The following RRM2 variants were observed in gnomAD, a reference collection of about 807,000 sequenced individuals.
The protein encoded by RRM2 is ribonucleotide reductase regulatory subunit M2.
Under a neutral mutation model 45.9 loss-of-function variants are expected in RRM2, and 6 were observed. The ratio of observed to expected loss-of-function variants is 0.13; its 90% CI spans 0.07 to 0.26. The LOEUF is 0.26. Among genes scored for constraint, RRM2 ranks in the 10% least tolerant of loss-of-function variants. The probability of loss-of-function intolerance (pLI) is 1.00; values close to 1 mark genes in which losing one functional copy is unlikely to be tolerated. For synonymous variants in RRM2, 177 were observed against 173.0 expected, an observed-to-expected ratio of 1.02 and a Z score of -0.18; for missense variants, 343 against 489.5, an observed-to-expected ratio of 0.70 and a Z score of 2.82.
intron 3 of RRM2, among the ~76,000 whole-genome samples, chr2:10,175,025 C>A (rs528050920): frequency 1.3e-5 from 2 of 152,192 alleles, no homozygotes; most frequent in African/African-American, 4.8e-5. Context: ...ATGCTGCTGT[C>A]GTCCTTCTAT....
intron 3 of RRM2, among the ~76,000 whole-genome samples, chr2:10,207,725 C>T (rs966206081): frequency 3.3e-5 from 5 of 152,196 alleles, no homozygotes; most frequent in African/African-American, 1.2e-4. Context: ...ACCTCCCTGA[C>T]TATATCAGCT....
downstream of RRM2, among the ~76,000 whole-genome samples, chr2:10,134,825 A>G (rs2125310017): frequency 1.3e-5 from 2 of 152,322 alleles, no homozygotes; most frequent in South Asian, 4.1e-4. Context: ...GATGAAAGAA[A>G]GCATGGAGAG....
At position 10,123,891 on chromosome 2, in the gene RRM2, C is replaced by T. The variant is rs752351318; in HGVS notation, c.435+39C>T. ...ACATCTTTCATTCATTTGACGTTGA[C>T]GATCTGAGGTCGAACTAGTTCGCTT... On this transcript the variant is annotated intron_variant, in intron 4 of 9. Coordinates refer to ENST00000304567, the MANE Select transcript of RRM2 (RefSeq NM_001034.4). 5 of 1,155,008 alleles carry T rather than the reference C, an allele frequency of 4.3e-6. No individual in the cohort carries two copies. The South Asian group carries it at 4.9e-5, about 11-fold the overall frequency. The allele number at this position is 1,155,008 out of a possible 1,614,324, so 71.5% of individuals were successfully genotyped here.
chr2:10,170,618 TG>T (rs1215872937), intron 3 of RRM2, among the ~76,000 whole-genome samples: 1 of 152,070 alleles, frequency 6.6e-6, no homozygotes, highest in Non-Finnish European at 1.5e-5. Context: ...GGGTCGGCAG[TG>T]GGGACAGACA....
At chr2:10,142,162 AGT>A in intron 2 of RRM2, 1 of 1,501,100 alleles carries the variant, frequency 6.7e-7, no homozygotes, top group Non-Finnish European at 9.1e-7. Flanking sequence ...GTCAGAGCAG[AGT>A]GAGGGGTGGG....
At chr2:10,154,778 C>A (rs1186559139) in intron 3 of RRM2, among the ~76,000 whole-genome samples, 5 of 149,758 alleles carry the variant, frequency 3.3e-5, no homozygotes, top group Non-Finnish European at 7.4e-5. Flanking sequence ...TCACTGCAAC[C>A]TCTGCCTCCC....
At chr2:10,198,884 G>A (rs2125331854) in intron 3 of RRM2, 1 of 152,218 alleles carries the variant, frequency 6.6e-6, no homozygotes, top group East Asian at 1.9e-4. Flanking sequence ...TTTATCTCAG[G>A]GTTGGAATGT....
upstream of RRM2, among the ~76,000 whole-genome samples, chr2:10,137,449 A>G (rs1345823138): frequency 2.0e-5 from 3 of 152,016 alleles, no homozygotes; most frequent in Non-Finnish European, 2.9e-5. Flanking sequence ...GTAGTGGGGG[A>G]GGGTGACCTC....
intron 3 of RRM2, among the ~76,000 whole-genome samples, chr2:10,200,122 C>T (rs372931379): frequency 2.0e-5 from 3 of 152,106 alleles, no homozygotes; most frequent in African/African-American, 4.8e-5. Context: ...AGTGAACCAC[C>T]GCACCCAGCT....
At chr2:10,154,788 C>T (rs549210426) in intron 3 of RRM2, among the ~76,000 whole-genome samples, 4 of 151,124 alleles carry the variant, frequency 2.6e-5, no homozygotes, top group Admixed American at 6.6e-5. Flanking sequence ...CTCTGCCTCC[C>T]GGGTTCAAGT....
At chr2:10,197,353 C>T (rs1052463060) in intron 3 of RRM2, among the ~76,000 whole-genome samples, 9 of 152,180 alleles carry the variant, frequency 5.9e-5, no homozygotes, top group African/African-American at 2.2e-4. Flanking sequence ...CCTGGCTCTT[C>T]GTTTCGTCAT....
intron 3 of RRM2, among the ~76,000 whole-genome samples, chr2:10,165,754 A>G (rs1012318007): frequency 6.6e-6 from 1 of 152,248 alleles, no homozygotes; most frequent in Non-Finnish European, 1.5e-5. Context: ...AGAGACCGGG[A>G]TGCTGCCTTC....
rs142240748 is a variant in RRM2 at position 10,127,211 on chromosome 2, C to T, written c.789C>T (p.Ser263=). ...TCACATTTTCTAATGAACTTATTAGCAGAGATGAGGTGAGTCTAAGTCAAA... is the reference window on the plus strand; with the variant it reads ...TCACATTTTCTAATGAACTTATTAGTAGAGATGAGGTGAGTCTAAGTCAAA... ...PGLTFSNELI[S]RDEGLHCDFA... is the part of the protein sequence containing the mutation. The change falls in exon 7 of 10, where the codon AGC becomes AGT. Residue 263 remains serine (S), a synonymous_variant. Coordinates refer to ENST00000304567, the MANE Select transcript of RRM2 (RefSeq NM_001034.4). This position sits in a 1 kb window ranked among gnomAD's most constrained non-coding sequence, Gnocchi z 4.1. 15 of 1,613,484 alleles carry T rather than the reference C, an allele frequency of 9.3e-6. No homozygotes were observed. Among genetic ancestry groups the T allele is most frequent in the African/African-American group, 1.3e-5 (1 of 74,908 alleles).
chr2:10,142,934 C>T (rs1375817127), intron 3 of RRM2, among the ~76,000 whole-genome samples: 2 of 152,204 alleles, frequency 1.3e-5, no homozygotes, highest in African/African-American at 2.4e-5. Flanking sequence ...AGTGCAGTGG[C>T]GCGATCTCGA....
intron 3 of RRM2, among the ~76,000 whole-genome samples, chr2:10,178,748 T>C (rs74259026): frequency 0.029 from 4,366 of 152,288 alleles, 99 homozygotes; most frequent in East Asian, 0.12. Context: ...TAAATTCATA[T>C]GTTGGAATCT....
intron 3 of RRM2, among the ~76,000 whole-genome samples, chr2:10,153,515 C>T (rs1420238477): frequency 6.6e-6 from 1 of 151,992 alleles, no homozygotes; most frequent in Non-Finnish European, 1.5e-5. Context: ...AGAGGACCCA[C>T]CAGCTCCTCT....
intron 3 of RRM2, among the ~76,000 whole-genome samples, chr2:10,189,606 C>T (rs186081413): frequency 6.3e-4 from 96 of 152,340 alleles, no homozygotes; most frequent in African/African-American, 2.2e-3. Flanking sequence ...TGGTTAGAGT[C>T]CCCAGCACAG....
intron 2 of RRM2, chr2:10,142,211 C>T (rs780355711): frequency 4.5e-6 from 7 of 1,552,308 alleles, no homozygotes; most frequent in Non-Finnish European, 6.1e-6. Flanking sequence ...TGTGTACATG[C>T]AGGTCTGCAG....
At chr2:10,142,506 C>A in intron 3 of RRM2, 1 of 904,990 alleles carries the variant, frequency 1.1e-6, no homozygotes, top group Non-Finnish European at 1.6e-6. Context: ...GTCGGAAATC[C>A]AGGTACTGCC....
Sources: allele counts gnomAD v4.1 joint callset (sites outside exome capture counted in the v4.1 genomes callset), GRCh38; gene constraint gnomAD v4.1.1; non-coding constraint Gnocchi (gnomAD v3.1); transcripts MANE v1.5; gene names NCBI Gene and HGNC (gene_info 2026-07-23, HGNC 2026-07-21).